OPTN: variants seen among roughly 807,000 people sequenced by gnomAD.
OPTN encodes the protein E3-14.7K-interacting protein.
Under a neutral mutation model 70.4 loss-of-function variants are expected in OPTN, and 54 were observed. The observed-to-expected ratio is 0.77, with a 90% CI of 0.62 to 0.96. OPTN has a LOEUF of 0.96. Ranked by LOEUF, OPTN falls within the 40% of genes least tolerant of loss-of-function variation. The pLI is 0.00. For synonymous variants in OPTN, 256 were observed against 248.5 expected, an observed-to-expected ratio of 1.03 and a Z score of -0.28; for missense variants, 624 against 673.2, an observed-to-expected ratio of 0.93 and a Z score of 0.81.
chr10:13,127,666 A>C, intron 11 of OPTN, 79 bp from the exon 12 acceptor site: 1 of 1,488,646 alleles, frequency 6.7e-7, no homozygotes, highest in Non-Finnish European at 9.3e-7. Context: ...AATTAAAAAA[A>C]TAAACCTTTT....
chr10:13,127,754 G>T lies in OPTN; in HGVS notation c.1252G>T (p.Val418Leu). The T allele has an allele frequency of 6.2e-7, 1 of 1,614,124 alleles. No homozygotes were observed. Among genetic ancestry groups the T allele is most frequent in the Non-Finnish European group, 8.5e-7 (1 of 1,180,008 alleles). Residue 418 changes from valine to leucine, a missense_variant, in exon 12 of 15, where the codon GTG becomes TTG. By Grantham distance (32) the Val-to-Leu change is conservative. Coordinates refer to ENST00000378747, the MANE Select transcript of OPTN (RefSeq NM_001008212.2). ...EELTRKESEK[V>L]DRAVLKELSE... is the part of the protein sequence containing the mutation. ...AATGTTTCTTTTTCAGTCAGAAAAA[G>T]TGGACAGGGCAGTGCTGAAGGAACT...
At chr10:13,114,512 G>A (rs945409188) in intron 5 of OPTN, among the ~76,000 whole-genome samples, 4 of 151,592 alleles carry the variant, frequency 2.6e-5, no homozygotes, top group Non-Finnish European at 5.9e-5. Context: ...CATTCTCCCT[G>A]TCAGATGAGT....
intron 14 of OPTN, among the ~76,000 whole-genome samples, chr10:13,135,349 C>CA (rs1415108638): frequency 1.3e-5 from 2 of 152,052 alleles, no homozygotes; most frequent in African/African-American, 4.8e-5. Flanking sequence ...AGTACTACTC[C>CA]AAAACTGGGG....
chr10:13,109,414 G>T lies in OPTN; in HGVS notation c.166+126G>T, dbSNP rs576043306. The T allele has an allele frequency of 6.3e-6, 6 of 955,454 alleles. No homozygotes were observed. The East Asian group carries it at 1.5e-4, about 25-fold the overall frequency. The allele number at this position is 955,454 out of a possible 1,614,324, so 59.2% of individuals were successfully genotyped here. On this transcript the variant is annotated intron_variant, in intron 3 of 14. Transcript: ENST00000378747. ...TCCATAGGTGGTAGCTGGTGGGGAA[G>T]CACAGGATTTAGCATTTGGCAAGGC...
intron 1 of OPTN, among the ~76,000 whole-genome samples, chr10:13,103,115 G>A (rs986330214): frequency 1.3e-5 from 2 of 152,082 alleles, no homozygotes; most frequent in Admixed American, 6.5e-5. Context: ...ACTAAAATAC[G>A]AAGTCACAAT....
rs1477787215 is a variant in OPTN, at chr10:13,127,876, G to A, written c.1374G>A (p.Leu458=). Residue 458 remains leucine, a synonymous_variant, in exon 12 of 15, where the codon CTG becomes CTA. Coordinates refer to ENST00000378747, the MANE Select transcript of OPTN (RefSeq NM_001008212.2). ...KQTIAKQEED[L]ETMTILRAQM... Reference sequence around the variant, plus strand: ...CCATTGCCAAGCAGGAAGAGGACCTGGAAACCATGACCATCCTCAGGGCTC... The same window carrying A: ...CCATTGCCAAGCAGGAAGAGGACCTAGAAACCATGACCATCCTCAGGGCTC... 1 of 1,614,152 alleles carries A rather than the reference G, an allele frequency of 6.2e-7. No homozygotes were observed. Among genetic ancestry groups the A allele is most frequent in the Admixed American group, 1.7e-5 (1 of 60,028 alleles).
At chr10:13,114,726 T>G (rs1463893369) in intron 5 of OPTN, among the ~76,000 whole-genome samples, 1 of 132,910 alleles carries the variant, frequency 7.5e-6, no homozygotes, top group Non-Finnish European at 1.6e-5. Context: ...TTCTATAATA[T>G]ATAATGTAGA....
chr10:13,112,386 G>A lies in OPTN; in HGVS notation c.370-67G>A, dbSNP rs570934805. On this transcript the variant is annotated intron_variant, in intron 4 of 14. Transcript: ENST00000378747. ...AGCCTCCCAGAGCTCTGCGATTAAGGGCATGAGCCCATGGTGCCCAGCCTT... is the reference window on the plus strand; with the variant it reads ...AGCCTCCCAGAGCTCTGCGATTAAGAGCATGAGCCCATGGTGCCCAGCCTT... The A allele has an allele frequency of 3.0e-5, 44 of 1,479,244 alleles. No homozygotes were observed. The East Asian group carries it at 7.8e-4, about 26-fold the overall frequency. 91.6% of individuals were successfully genotyped at this position (1,479,244 alleles called of 1,614,324 possible).
At chr10:13,104,071 A>G (rs190942634) in intron 1 of OPTN, among the ~76,000 whole-genome samples, 93 of 152,222 alleles carry the variant, frequency 6.1e-4, no homozygotes, top group Non-Finnish European at 1.2e-3. Flanking sequence ...GTCTTTCCTC[A>G]GTTGAATGTA....
Position 13,113,031 on chromosome 10 carries a change from T to G in OPTN, c.552+396T>G, listed in dbSNP as rs564944936. Reference sequence around the variant, plus strand: ...ATATTTTCACAACAGAACCCTCTTTTTTTGTTTTGAGACAGAGTCTTACTC... The same window carrying G: ...ATATTTTCACAACAGAACCCTCTTTGTTTGTTTTGAGACAGAGTCTTACTC... On this transcript the variant is annotated intron_variant, in intron 5 of 14. Transcript: ENST00000378747. 3.2e-3 allele frequency among the ~76,000 whole-genome samples: 487 copies of G among 152,166 alleles called. 2 individuals carry two copies. The highest frequency in any genetic ancestry group is 4.3e-3 in the Non-Finnish European group (290 of 67,988).
At chr10:13,108,606 G>T (rs1446324923) in intron 2 of OPTN, among the ~76,000 whole-genome samples, 1 of 151,352 alleles carries the variant, frequency 6.6e-6, no homozygotes, top group African/African-American at 2.4e-5. Context: ...GAGTGCAGTG[G>T]CGCGATCTTG....
In OPTN at chr10:13,133,477, AGCGTGTTGCTTTTCGTCCTG is replaced by A. The variant is rs1369142996; in HGVS notation, c.1533-22_1533-3del. ...GTTTCGGGGTTGTAGAACATCACAC[AGCGTGTTGCTTTTCGTCCTG>A]GCAGGCAGTCCTTGATGGAGATGCA... On this transcript the variant is annotated splice_region_variant and splice_polypyrimidine_tract_variant and intron_variant, in intron 13 of 14. Coordinates refer to ENST00000378747, the MANE Select transcript of OPTN (RefSeq NM_001008212.2). 2 of 1,608,972 alleles carry A rather than the reference AGCGTGTTGCTTTTCGTCCTG, an allele frequency of 1.2e-6. No individual in the cohort carries two copies. Among genetic ancestry groups the A allele is most frequent in the Non-Finnish European group, 1.7e-6 (2 of 1,175,516 alleles).
intron 7 of OPTN, among the ~76,000 whole-genome samples, chr10:13,119,633 T>C (rs1833298307): frequency 6.6e-6 from 1 of 152,202 alleles, no homozygotes; most frequent in South Asian, 2.1e-4. Context: ...AGCAAATCAT[T>C]TTCCAAAGCA....
In OPTN at chr10:13,126,014, C is replaced by T. The variant is rs779283309; in HGVS notation, c.1217C>T (p.Thr406Ile). Residue 406 changes from threonine to isoleucine, a missense_variant, in exon 11 of 15, where the codon ACA (threonine) becomes ATA (isoleucine). Physicochemically the swap from Thr to Ile is moderately conservative, Grantham distance 89. Transcript: ENST00000378747. ...CAAGAACATAATAATGCATTGAAAA[C>T]AATTGAGGAACTAACAAGAAAAGAG... ...LLQEHNNALK[T>I]IEELTRKESE... 6.2e-7 allele frequency: 1 copy of T among 1,610,652 alleles called. No homozygotes were observed. Among genetic ancestry groups the T allele is most frequent in the South Asian group, 1.1e-5 (1 of 90,996 alleles).
intron 5 of OPTN, among the ~76,000 whole-genome samples, chr10:13,113,512 A>G (rs536082802): frequency 5.9e-5 from 9 of 152,316 alleles, no homozygotes; most frequent in African/African-American, 2.2e-4. Flanking sequence ...TGCTATCAAA[A>G]TCAAATTTCT....
chr10:13,104,251 T>A (rs1288993446), intron 1 of OPTN, among the ~76,000 whole-genome samples: 3 of 123,690 alleles, frequency 2.4e-5, no homozygotes, highest in African/African-American at 8.4e-5. Context: ...TTAGTTTTTT[T>A]TTCTTTTTTT....
At chr10:13,120,801 T>C (rs566388412) in intron 7 of OPTN, among the ~76,000 whole-genome samples, 15 of 152,156 alleles carry the variant, frequency 9.9e-5, no homozygotes, top group Non-Finnish European at 1.9e-4. Flanking sequence ...TTCATACTTA[T>C]ATGAAGAACC....
At chr10:13,133,795 G>A (rs1338467787) in intron 14 of OPTN, among the ~76,000 whole-genome samples, 5 of 151,936 alleles carry the variant, frequency 3.3e-5, no homozygotes, top group African/African-American at 4.8e-5. Context: ...TGCCTGGCAC[G>A]GCCACACTTT....
chr10:13,118,593 G>T (rs568588536), intron 6 of OPTN, among the ~76,000 whole-genome samples: 1 of 152,158 alleles, frequency 6.6e-6, no homozygotes, highest in Admixed American at 6.6e-5. Flanking sequence ...GAACTGTTCC[G>T]TGAGTTTTGT....
Sources: gnomAD v4.1 joint callset for allele counts (sites outside exome capture counted in the v4.1 genomes callset) on GRCh38, gnomAD v4.1.1 for gene constraint, MANE v1.5 for transcripts, NCBI Gene and HGNC (gene_info 2026-07-23, HGNC 2026-07-21) for gene names.